SIK2: variants seen among roughly 807,000 people sequenced by gnomAD.
SIK2 encodes salt inducible kinase 2.
Under a neutral mutation model 103.2 loss-of-function variants are expected in SIK2, and 29 were observed. That is an observed-to-expected ratio of 0.28 (90% CI 0.21 to 0.38). The LOEUF (loss-of-function observed/expected upper bound fraction) is 0.38, where lower values mean the gene tolerates loss of function less well. Among genes scored for constraint, SIK2 ranks in the 10% least tolerant of loss-of-function variants. The pLI, the probability that SIK2 is intolerant of heterozygous loss-of-function variation, is 1.00. For missense variants in SIK2, 879 were observed against 1,171.0 expected, an observed-to-expected ratio of 0.75 and a Z score of 3.64; for synonymous variants, 412 against 446.1, an observed-to-expected ratio of 0.92 and a Z score of 0.96.
intron 3 of SIK2, among the ~76,000 whole-genome samples, chr11:111,644,809 A>G (rs960350588): frequency 2.0e-5 from 3 of 152,356 alleles, no homozygotes; most frequent in East Asian, 1.9e-4. Flanking sequence ...GTTATTATGT[A>G]TCCATTTTTT....
chr11:111,698,407 G>T (rs192713390), intron 4 of SIK2, among the ~76,000 whole-genome samples: 5 of 152,342 alleles, frequency 3.3e-5, no homozygotes, highest in African/African-American at 1.2e-4. Flanking sequence ...CTGTGGGGAA[G>T]TTCAGAATGA....
At chr11:111,677,205 T>C (rs2135885000) in intron 3 of SIK2, among the ~76,000 whole-genome samples, 1 of 152,344 alleles carries the variant, frequency 6.6e-6, no homozygotes. Flanking sequence ...TTTTTGTTTT[T>C]GTTTTTAATT....
Position 111,730,027 on chromosome 11 carries a change from T to C in SIK2, c.*5898T>C, listed in dbSNP as rs1944132623. 6.6e-6 allele frequency: 1 copy of C among 152,302 alleles called. No homozygotes were observed. Among genetic ancestry groups the C allele is most frequent in the Non-Finnish European group, 1.5e-5 (1 of 68,084 alleles). The allele number at this position is 152,302 out of a possible 1,614,324, so 9.4% of individuals were successfully genotyped here. A position where few individuals can be genotyped will look rare whatever the true frequency, so the allele number is the denominator to read the frequency against. On this transcript the variant is annotated 3_prime_UTR_variant, in exon 15 of 15. Transcript: ENST00000304987. ...GCAGATTCCACCCCAGGAACGGTCA[T>C]GAACTCAGCCTTTGTCTCAACGAGG...
Position 111,688,228 on chromosome 11 carries a change from A to G in SIK2, c.478+66A>G. The G allele has an allele frequency of 6.5e-7, 1 of 1,537,406 alleles. No individual in the cohort carries two copies. Among genetic ancestry groups the G allele is most frequent in the South Asian group, 1.1e-5 (1 of 87,996 alleles). On this transcript the variant is annotated intron_variant, in intron 4 of 14. Coordinates refer to ENST00000304987, the MANE Select transcript of SIK2 (RefSeq NM_015191.3). The surrounding 1 kb of genome is among the most constrained non-coding windows in gnomAD (Gnocchi z 4.2). Reference sequence around the variant, plus strand: ...GCCACTGCACTCAGTGTGTGGAAACAGACCTGCAGGCGCAGATTCAGCAGC... The same window carrying G: ...GCCACTGCACTCAGTGTGTGGAAACGGACCTGCAGGCGCAGATTCAGCAGC...
chr11:111,656,491 A>T (rs968400784), intron 3 of SIK2, among the ~76,000 whole-genome samples: 7 of 152,128 alleles, frequency 4.6e-5, no homozygotes, highest in Non-Finnish European at 1.0e-4. Flanking sequence ...CCTCTGTACA[A>T]CTCACCAGTT....
chr11:111,657,744 G>A (rs1942410473), intron 3 of SIK2, among the ~76,000 whole-genome samples: 2 of 152,296 alleles, frequency 1.3e-5, no homozygotes, highest in South Asian at 4.1e-4. Context: ...TTGGTGGGGG[G>A]AGGTGGGGAG....
intron 8 of SIK2, among the ~76,000 whole-genome samples, chr11:111,706,566 T>G (rs369009573): frequency 5.3e-5 from 8 of 152,238 alleles, no homozygotes; most frequent in African/African-American, 1.9e-4. Context: ...TATAATAAAA[T>G]TTTGCATTGG....
At chr11:111,672,387 G>C (rs1942641456) in intron 3 of SIK2, 1 of 506,344 alleles carries the variant, frequency 2.0e-6, no homozygotes, top group Admixed American at 3.5e-5. Flanking sequence ...AGGACTTCTG[G>C]GTCACCCTGA....
At position 111,612,926 on chromosome 11, in the gene SIK2, A is replaced by ATATATATATATG. The variant is rs1472803868; in HGVS notation, c.136-3306_136-3305insGTATATATATAT. 7.2e-3 allele frequency among the ~76,000 whole-genome samples: 191 copies of ATATATATATATG among 26,708 alleles called. 2 individuals carry two copies. Among genetic ancestry groups the ATATATATATATG allele is most frequent in the African/African-American group, 9.5e-3 (172 of 18,108 alleles). The allele number at this position is 26,708 out of a possible 152,430, so 17.5% of individuals were successfully genotyped here. A position where few individuals can be genotyped will look rare whatever the true frequency, so the allele number is the denominator to read the frequency against. On this transcript the variant is annotated intron_variant, in intron 1 of 14. Coordinates refer to ENST00000304987, the MANE Select transcript of SIK2 (RefSeq NM_015191.3). ...AGGGATAGCAATGGGATATATATATATATATATATATATATATATATTTAT... is the reference window on the plus strand; with the variant it reads ...AGGGATAGCAATGGGATATATATATATATATATATATGTATATATATATATATATATATTTAT...
intron 3 of SIK2, among the ~76,000 whole-genome samples, chr11:111,630,654 G>C (rs574011430): frequency 4.6e-4 from 70 of 152,284 alleles, no homozygotes; most frequent in African/African-American, 1.6e-3. Context: ...GAAAGGAATT[G>C]ATGGAGTAGA....
intron 1 of SIK2, among the ~76,000 whole-genome samples, chr11:111,608,277 A>G (rs1158825821): frequency 6.6e-6 from 1 of 152,250 alleles, no homozygotes; most frequent in Non-Finnish European, 1.5e-5. Context: ...AAATTTTTAA[A>G]TACTTTAAAC....
At chr11:111,617,009 G>A (rs1219367899) in intron 2 of SIK2, among the ~76,000 whole-genome samples, 1 of 152,014 alleles carries the variant, frequency 6.6e-6, no homozygotes, top group Non-Finnish European at 1.5e-5. Flanking sequence ...TCATACATAG[G>A]ACTGTATTTA....
intron 7 of SIK2, 151 bp downstream of exon 7, chr11:111,703,574 T>TA: frequency 1.5e-6 from 1 of 656,434 alleles, no homozygotes; most frequent in Non-Finnish European, 2.6e-6. Flanking sequence ...ACTCTATTTA[T>TA]ATTTGCTTTT....
At chr11:111,671,966 A>G (rs1225901631) in intron 3 of SIK2, 6 of 507,096 alleles carry the variant, frequency 1.2e-5, no homozygotes, top group South Asian at 5.9e-5. Context: ...TGGCTCTCGA[A>G]CATCTCATCC....
At chr11:111,677,200 G>GT (rs1275697213) in intron 3 of SIK2, among the ~76,000 whole-genome samples, 1 of 152,044 alleles carries the variant, frequency 6.6e-6, no homozygotes, top group Admixed American at 6.6e-5. Context: ...TTCAGTTTTT[G>GT]TTTTTGTTTT....
chr11:111,634,161 G>A (rs780865476), intron 3 of SIK2, among the ~76,000 whole-genome samples: 1 of 152,012 alleles, frequency 6.6e-6, no homozygotes, highest in African/African-American at 2.4e-5. Flanking sequence ...GTCTTTCTAG[G>A]CTGAGCATAT....
intron 12 of SIK2, 27 bp downstream of exon 12, chr11:111,721,089 T>TG (rs1459376195): frequency 8.8e-6 from 14 of 1,596,624 alleles, no homozygotes; most frequent in Non-Finnish European, 1.2e-5. Flanking sequence ...CTTCCCTCAA[T>TG]GGCTCTGTGA....
At chr11:111,679,863 G>A (rs920600499) in intron 3 of SIK2, among the ~76,000 whole-genome samples, 9 of 152,192 alleles carry the variant, frequency 5.9e-5, no homozygotes, top group Non-Finnish European at 1.2e-4. Flanking sequence ...GGTGGCTCAC[G>A]CCTATAATCC....
At chr11:111,689,909 TC>T (rs1942904886) in intron 4 of SIK2, among the ~76,000 whole-genome samples, 1 of 152,092 alleles carries the variant, frequency 6.6e-6, no homozygotes, top group Admixed American at 6.5e-5. Flanking sequence ...ATTTTTTTTT[TC>T]TAATGGGATT....
Sources: gnomAD v4.1 joint callset for allele counts (sites outside exome capture counted in the v4.1 genomes callset) on GRCh38, gnomAD v4.1.1 for gene constraint, Gnocchi (gnomAD v3.1) non-coding constraint, MANE v1.5 for transcripts, NCBI Gene and HGNC (gene_info 2026-07-23, HGNC 2026-07-21) for gene names.